PARD3: variants seen among roughly 807,000 people sequenced by gnomAD.
PARD3 encodes par-3 family cell polarity regulator.
In PARD3, 75 loss-of-function variants were observed where a neutral mutation model predicts 155.4. The observed-to-expected ratio is 0.48, with a 90% CI of 0.40 to 0.58. The LOEUF (loss-of-function observed/expected upper bound fraction) is 0.58, where lower values mean the gene tolerates loss of function less well. Ranked by LOEUF, PARD3 falls within the 20% of genes least tolerant of loss-of-function variation. The probability of loss-of-function intolerance (pLI) is 0.00; values close to 1 mark genes in which losing one functional copy is unlikely to be tolerated. For missense variants in PARD3, 1,642 were observed against 1,721.7 expected, an observed-to-expected ratio of 0.95 and a Z score of 0.82; for synonymous variants, 576 against 610.5, an observed-to-expected ratio of 0.94 and a Z score of 0.83.
chr10:34,167,490 A>C (rs1038448469), intron 22 of PARD3, among the ~76,000 whole-genome samples: 2 of 151,948 alleles, frequency 1.3e-5, no homozygotes, highest in African/African-American at 2.4e-5. Flanking sequence ...TCCTTCTCTG[A>C]AGAAATATGA....
intron 2 of PARD3, among the ~76,000 whole-genome samples, chr10:34,531,764 TG>T (rs1364685603): frequency 6.6e-6 from 1 of 152,190 alleles, no homozygotes; most frequent in African/African-American, 2.4e-5. Context: ...TCTCCTTTTT[TG>T]GGAGCATTTC....
intron 1 of PARD3, among the ~76,000 whole-genome samples, chr10:34,771,514 T>G (rs992865245): frequency 3.3e-5 from 5 of 152,390 alleles, no homozygotes; most frequent in Admixed American, 3.3e-4. Flanking sequence ...TCTGTCAGCG[T>G]GTTAATGCAA....
chr10:34,759,961 T>A (rs1007037490), intron 1 of PARD3, among the ~76,000 whole-genome samples: 1 of 152,218 alleles, frequency 6.6e-6, no homozygotes, highest in African/African-American at 2.4e-5. Flanking sequence ...GGGAGTGGAA[T>A]TCCTTTATTC....
At chr10:34,247,904 C>T (rs137862372) in intron 22 of PARD3, among the ~76,000 whole-genome samples, 3 of 152,258 alleles carry the variant, frequency 2.0e-5, no homozygotes, top group Admixed American at 1.3e-4. Flanking sequence ...CCATTTTTTA[C>T]GTTCAAGTAT....
chr10:34,419,572 A>C (rs946852010), intron 5 of PARD3, among the ~76,000 whole-genome samples: 7 of 152,218 alleles, frequency 4.6e-5, no homozygotes, highest in Admixed American at 3.9e-4. Context: ...TAAGGCAAGG[A>C]AAACCAATCC....
chr10:34,485,739 A>G (rs1368509828), intron 3 of PARD3, among the ~76,000 whole-genome samples: 1 of 152,292 alleles, frequency 6.6e-6, no homozygotes, highest in East Asian at 1.9e-4. Context: ...ATTTTTAATC[A>G]GACTTAAAAA....
chr10:34,615,554 G>A (rs1489158559), intron 2 of PARD3, among the ~76,000 whole-genome samples: 1 of 152,116 alleles, frequency 6.6e-6, no homozygotes, highest in Non-Finnish European at 1.5e-5. Flanking sequence ...TCTGGGCAAA[G>A]ATTTTATGGC....
rs1170070108 is a variant in PARD3 at position 34,213,737 on chromosome 10, G to A, written c.3419+55920C>T. On this transcript the variant is annotated intron_variant, in intron 22 of 24. Transcript: ENST00000374788. ...GGGATAAAGGCAAGGTAAAACCACT[G>A]CCTGGCAGCAGAGGACAGGAGGTGA... 2.0e-5 allele frequency among the ~76,000 whole-genome samples: 3 copies of A among 152,180 alleles called. No individual in the cohort carries two copies. The East Asian group carries it at 5.8e-4, about 29-fold the overall frequency.
intron 1 of PARD3, among the ~76,000 whole-genome samples, chr10:34,701,333 A>ATGTTGT (rs34806804): frequency 0.32 from 47,574 of 149,754 alleles, 8,161 homozygotes; most frequent in East Asian, 0.48. Flanking sequence ...ACACGCGGGG[A>ATGTTGT]TGTTGTTGTT....
intron 20 of PARD3, among the ~76,000 whole-genome samples, chr10:34,311,793 G>A (rs541972395): frequency 6.6e-6 from 1 of 152,226 alleles, no homozygotes; most frequent in African/African-American, 2.4e-5. Flanking sequence ...ATCCACAAAG[G>A]GACTGAAACC....
chr10:34,607,414 T>C (rs530045209), intron 2 of PARD3, among the ~76,000 whole-genome samples: 13 of 152,328 alleles, frequency 8.5e-5, no homozygotes, highest in Non-Finnish European at 1.5e-4. Context: ...GAATTCTTAA[T>C]GCATAACAGC....
rs999627745 is a variant in PARD3, at chr10:34,385,569, A to G, written c.891-1315T>C. ...AATGCCTACACAGGCACTAAAATTG[A>G]GAATCCAGTATAAATTAAAATTGAA... On this transcript the variant is annotated intron_variant, in intron 7 of 24. Transcript: ENST00000374788. Among the ~76,000 whole-genome samples, 5 of 152,162 alleles carry G rather than the reference A, an allele frequency of 3.3e-5. No individual in the cohort carries two copies. In the South Asian group the frequency reaches 1.0e-3, roughly 31 times the overall value.
chr10:34,579,744 C>T (rs928184893), intron 2 of PARD3, among the ~76,000 whole-genome samples: 2 of 151,536 alleles, frequency 1.3e-5, no homozygotes, highest in Non-Finnish European at 2.9e-5. Flanking sequence ...CCACGCCTGG[C>T]TAATTGTTGT....
chr10:34,198,059 T>A (rs920625954), intron 22 of PARD3, among the ~76,000 whole-genome samples: 2 of 152,220 alleles, frequency 1.3e-5, no homozygotes, highest in Admixed American at 6.5e-5. Context: ...AAGCTAAAAG[T>A]GAAAAATGGT....
rs2083332909 is a variant in PARD3, at chr10:34,537,948, T to C, written c.223-20789A>G. ...AATTGCTGCCACCTAAAAACTGACC[T>C]GATTCAGTACTGTCAGACAGCGAAG... On this transcript the variant is annotated intron_variant, in intron 2 of 24. Coordinates refer to ENST00000374788, the MANE Select transcript of PARD3 (RefSeq NM_001184785.2). Among the ~76,000 whole-genome samples, 3 of 152,182 alleles carry C rather than the reference T, an allele frequency of 2.0e-5. No homozygotes were observed. In the South Asian group the frequency reaches 6.2e-4, roughly 31 times the overall value.
chr10:34,496,581 G>A (rs2080305093), intron 3 of PARD3, among the ~76,000 whole-genome samples: 1 of 152,180 alleles, frequency 6.6e-6, no homozygotes, highest in African/African-American at 2.4e-5. Flanking sequence ...AAACACCGAG[G>A]TTATAGAACA....
At chr10:34,505,483 G>A (rs1043772155) in intron 3 of PARD3, among the ~76,000 whole-genome samples, 2 of 152,110 alleles carry the variant, frequency 1.3e-5, no homozygotes, top group African/African-American at 4.8e-5. Context: ...TGCACAGGGG[G>A]TCCAGTAGCA....
intron 2 of PARD3, among the ~76,000 whole-genome samples, chr10:34,561,839 A>G (rs1357898764): frequency 6.6e-6 from 1 of 151,546 alleles, no homozygotes; most frequent in Non-Finnish European, 1.5e-5. Flanking sequence ...ATTTAAAACT[A>G]TCAACTCTCA....
chr10:34,261,697 AAAGG>A lies in PARD3; in HGVS notation c.3419+7956_3419+7959del, dbSNP rs368717555. Among the ~76,000 whole-genome samples, 405 of 116,894 alleles carry A rather than the reference AAAGG, an allele frequency of 3.5e-3. 7 individuals are homozygous for A. Among genetic ancestry groups the A allele is most frequent in the African/African-American group, 0.019 (384 of 19,776 alleles). The allele number at this position is 116,894 out of a possible 152,430, so 76.7% of individuals were successfully genotyped here. A position where few individuals can be genotyped will look rare whatever the true frequency, so the allele number is the denominator to read the frequency against. Reference sequence around the variant, plus strand: ...GAGTGAGACTCTGTCTCAAAGAAAGAAAGGAAGAAAGGAAGGAAGAAAGGAAGAA... The same window carrying A: ...GAGTGAGACTCTGTCTCAAAGAAAGAAAGAAAGGAAGGAAGAAAGGAAGAA... On this transcript the variant is annotated intron_variant, in intron 22 of 24. Transcript: ENST00000374788.
Sources: gnomAD v4.1 joint callset for allele counts (sites outside exome capture counted in the v4.1 genomes callset) on GRCh38, gnomAD v4.1.1 for gene constraint, MANE v1.5 for transcripts, NCBI Gene and HGNC (gene_info 2026-07-23, HGNC 2026-07-21) for gene names.